The following TBXA2R variants were observed in gnomAD, a reference collection of about 807,000 sequenced individuals.
TBXA2R encodes the protein thromboxane A2 receptor.
Under a neutral mutation model 15.6 loss-of-function variants are expected in TBXA2R, and 15 were observed. That is an observed-to-expected ratio of 0.96 (90% CI 0.64 to 1.48). The LOEUF (loss-of-function observed/expected upper bound fraction) is 1.48. Among genes scored for constraint, TBXA2R ranks in the 40% most tolerant of loss-of-function variants. TBXA2R has a pLI of 0.00. For synonymous variants in TBXA2R, 280 were observed against 241.2 expected, an observed-to-expected ratio of 1.16 and a Z score of -1.49; for missense variants, 506 against 491.4, an observed-to-expected ratio of 1.03 and a Z score of -0.28.
At chr19:3,605,959 CAG>C (rs1287475877) in intron 1 of TBXA2R, among the ~76,000 whole-genome samples, 1 of 150,408 alleles carries the variant, frequency 6.6e-6, no homozygotes, top group Non-Finnish European at 1.5e-5. Context: ...CAGACACAGA[CAG>C]AAAAACACAG....
In TBXA2R at chr19:3,600,530, G is replaced by A. The variant is rs200700046; in HGVS notation, c.105C>T (p.Cys35=). 71 of 1,612,006 alleles carry A rather than the reference G, an allele frequency of 4.4e-5. No individual in the cohort carries two copies. In the African/African-American group the frequency reaches 7.2e-4, roughly 16 times the overall value. ...IASPWFAASF[C]VVGLASNLLA... is the part of the protein sequence containing the mutation. Reference sequence around the variant, plus strand: ...GCAGGTTGGAGGCCAGGCCCACCACGCAGAAGGAGGCGGCGAACCAGGGCG... The same window carrying A: ...GCAGGTTGGAGGCCAGGCCCACCACACAGAAGGAGGCGGCGAACCAGGGCG... The change falls in exon 2 of 3, where the codon TGC becomes TGT. Residue 35 remains cysteine, a synonymous_variant. Coordinates refer to ENST00000375190, the MANE Select transcript of TBXA2R (RefSeq NM_001060.6).
intron 2 of TBXA2R, among the ~76,000 whole-genome samples, chr19:3,597,477 C>T (rs1415225362): frequency 6.6e-6 from 1 of 151,916 alleles, no homozygotes; most frequent in Non-Finnish European, 1.5e-5. Context: ...CTAAAACATA[C>T]AAAATTAGCC....
At chr19:3,598,348 T>C (rs1311877866) in intron 2 of TBXA2R, among the ~76,000 whole-genome samples, 1 of 104,868 alleles carries the variant, frequency 9.5e-6, no homozygotes. Context: ...TTCTTTTCTT[T>C]TCTTTTTTTT....
chr19:3,598,648 G>T (rs558049066), intron 2 of TBXA2R, among the ~76,000 whole-genome samples: 7 of 149,574 alleles, frequency 4.7e-5, no homozygotes, highest in Non-Finnish European at 7.4e-5. Context: ...CACCGTGGCT[G>T]GCCTGTTTTT....
intron 1 of TBXA2R, among the ~76,000 whole-genome samples, 178 bp from the exon 2 acceptor site, chr19:3,600,895 C>A (rs1489753499): frequency 1.6e-5 from 2 of 128,632 alleles, no homozygotes; most frequent in Non-Finnish European, 3.1e-5. Flanking sequence ...GTGATGCAAT[C>A]AAGGCTCACT....
At chr19:3,604,039 A>C (rs2032785053) in intron 1 of TBXA2R, among the ~76,000 whole-genome samples, 1 of 152,188 alleles carries the variant, frequency 6.6e-6, no homozygotes, top group Non-Finnish European at 1.5e-5. Context: ...AGAATTTTGC[A>C]GTCTGAGAGC....
chr19:3,604,054 G>A (rs1437809754), intron 1 of TBXA2R, among the ~76,000 whole-genome samples: 3 of 152,186 alleles, frequency 2.0e-5, no homozygotes, highest in Non-Finnish European at 2.9e-5. Flanking sequence ...GAGAGCAGAC[G>A]TTTGCCCTCA....
chr19:3,600,464 C>G lies in TBXA2R; in HGVS notation c.171G>C (p.Ser57=). 1 of 1,612,686 alleles carries G rather than the reference C, an allele frequency of 6.2e-7. No homozygotes were observed. Among genetic ancestry groups the G allele is most frequent in the Non-Finnish European group, 8.5e-7 (1 of 1,179,630 alleles). The part of the protein sequence containing the change: ...SVLAGARQGG[S]HTRSSFLTFL... ...AGGTGAGGAAGGAGGAGCGCGTGTG[C>G]GAACCCCCCTGCCGCGCGCCCGCCA... Residue 57 remains serine, a synonymous_variant, in exon 2 of 3, where the codon TCG becomes TCC. Coordinates refer to ENST00000375190, the MANE Select transcript of TBXA2R (RefSeq NM_001060.6).
chr19:3,600,989 A>G (rs2032728257), intron 1 of TBXA2R, among the ~76,000 whole-genome samples: 1 of 151,684 alleles, frequency 6.6e-6, no homozygotes, highest in South Asian at 2.1e-4. Context: ...CCCTGTAGTA[A>G]GTAGTCCTCC....
At position 3,599,975 on chromosome 19, in the gene TBXA2R, G is replaced by T; in HGVS notation, c.660C>A (p.Ala220=). 6.3e-7 allele frequency: 1 copy of T among 1,596,998 alleles called. No homozygotes were observed. The highest frequency in any genetic ancestry group is 8.5e-7 in the Non-Finnish European group (1 of 1,172,846). The change falls in exon 2 of 3, where the codon GCC becomes GCA. Residue 220 remains alanine (A), a synonymous_variant. Transcript: ENST00000375190. The part of the protein sequence containing the change: ...LSFLLNTVSV[A]TLCHVYHGQE... ...GCCCGTGGTAGACGTGGCACAGGGT[G>T]GCCACGCTGACCGTGTTCAGCAGGA...
chr19:3,604,701 G>A (rs960347747), intron 1 of TBXA2R, among the ~76,000 whole-genome samples: 41 of 152,300 alleles, frequency 2.7e-4, no homozygotes, highest in South Asian at 1.9e-3. Flanking sequence ...CAATGGGGGT[G>A]AGCTTCTGAT....
intron 1 of TBXA2R, among the ~76,000 whole-genome samples, chr19:3,603,597 T>C (rs2032778203): frequency 6.6e-6 from 1 of 152,146 alleles, no homozygotes; most frequent in Non-Finnish European, 1.5e-5. Flanking sequence ...CTGGAGCAAC[T>C]TCCAGTCCCT....
In TBXA2R at chr19:3,595,683, A is replaced by T. The variant is rs771062632; in HGVS notation, c.*5T>A. 6.3e-7 allele frequency: 1 copy of T among 1,579,400 alleles called. No individual in the cohort carries two copies. The highest frequency in any genetic ancestry group is 2.3e-5 in the East Asian group (1 of 43,660). On this transcript the variant is annotated 3_prime_UTR_variant, in exon 3 of 3. Transcript: ENST00000375190. ...AAGGCGCGGGAGGGGCGCTCTGTCC[A>T]CTTCCTACTGCAGCCCGGAGCGCTG...
intron 1 of TBXA2R, among the ~76,000 whole-genome samples, chr19:3,602,744 G>C (rs1370207544): frequency 1.5e-5 from 2 of 132,514 alleles, no homozygotes; most frequent in Non-Finnish European, 3.1e-5. Flanking sequence ...TGAGCAACAA[G>C]AGCAAAACTC....
In TBXA2R at chr19:3,594,640, A is replaced by G. The variant is rs1409658936; in HGVS notation, c.*1048T>C. On this transcript the variant is annotated 3_prime_UTR_variant, in exon 3 of 3. Transcript: ENST00000375190. ...TGGTACCACCCATCAAGTGATTAGGAAACACTCAAGAAACAAGGTGGGGGA... is the reference window on the plus strand; with the variant it reads ...TGGTACCACCCATCAAGTGATTAGGGAACACTCAAGAAACAAGGTGGGGGA... The G allele has an allele frequency of 7.9e-6, 4 of 504,872 alleles. No individual in the cohort carries two copies. Among genetic ancestry groups the G allele is most frequent in the African/African-American group, 5.8e-5 (3 of 51,884 alleles). 31.3% of individuals were successfully genotyped at this position (504,872 alleles called of 1,614,324 possible). A position where few individuals can be genotyped will look rare whatever the true frequency, so the allele number is the denominator to read the frequency against.
intron 1 of TBXA2R, among the ~76,000 whole-genome samples, chr19:3,602,304 C>A (rs2032753471): frequency 6.6e-6 from 1 of 152,158 alleles, no homozygotes; most frequent in African/African-American, 2.4e-5. Context: ...TGTAAAGTCA[C>A]CCAGGAGGCT....
intron 2 of TBXA2R, among the ~76,000 whole-genome samples, chr19:3,596,756 T>C (rs2032612296): frequency 1.3e-5 from 2 of 148,804 alleles, no homozygotes; most frequent in Non-Finnish European, 3.0e-5. Flanking sequence ...TAATTTTTTG[T>C]ATTTTTAGTA....
chr19:3,595,998 C>G (rs1033891249), intron 2 of TBXA2R, 65 bp from the exon 3 acceptor site: 138 of 1,544,872 alleles, frequency 8.9e-5, no homozygotes, highest in Middle Eastern at 2.3e-4. Flanking sequence ...GGTCCCTGCC[C>G]GGGGTCCCTT....
rs762496452 is a variant in TBXA2R at position 3,600,506 on chromosome 19, C to A, written c.129G>T (p.Leu43=). The A allele has an allele frequency of 1.2e-6, 2 of 1,612,756 alleles. No individual in the cohort carries two copies. Among genetic ancestry groups the A allele is most frequent in the East Asian group, 4.5e-5 (2 of 44,850 alleles). Residue 43 remains leucine (L), a synonymous_variant, in exon 2 of 3, where the codon CTG becomes CTT. Coordinates refer to ENST00000375190, the MANE Select transcript of TBXA2R (RefSeq NM_001060.6). ...SFCVVGLASN[L]LALSVLAGAR... is the part of the protein sequence containing the mutation. ...CGCCCGCCAGCACGCTCAGGGCCAGCAGGTTGGAGGCCAGGCCCACCACGC... is the reference window on the plus strand; with the variant it reads ...CGCCCGCCAGCACGCTCAGGGCCAGAAGGTTGGAGGCCAGGCCCACCACGC...
Sources: allele counts gnomAD v4.1 joint callset (sites outside exome capture counted in the v4.1 genomes callset), GRCh38; gene constraint gnomAD v4.1.1; transcripts MANE v1.5; gene names NCBI Gene and HGNC (gene_info 2026-07-23, HGNC 2026-07-21).